MATK: variants seen among roughly 807,000 people sequenced by gnomAD.
The protein encoded by MATK is megakaryocyte-associated tyrosine kinase, also known as megakaryocyte-associated tyrosine-protein kinase.
In MATK, 41 loss-of-function variants were observed where a neutral mutation model predicts 59.8. That is an observed-to-expected ratio of 0.69 (90% confidence interval 0.53 to 0.89). The LOEUF (loss-of-function observed/expected upper bound fraction) is 0.89. MATK is among the 40% of genes least tolerant of loss of function. The pLI is 0.00. For missense variants in MATK, 593 were observed against 719.6 expected (o/e 0.82, Z 2.01); for synonymous variants, 308 against 306.1 (o/e 1.01, Z -0.06).
upstream of MATK, among the ~76,000 whole-genome samples, chr19:3,786,983 G>GGTGGGGGCCCCACCC: frequency 6.6e-6 from 1 of 151,996 alleles, no homozygotes; most frequent in Non-Finnish European, 1.5e-5. The surrounding 1 kb of genome is among the most constrained non-coding windows in gnomAD (Gnocchi z 4.1). Flanking sequence ...CCATATGGAG[G>GGTGGGGGCCCCACCC]GTGGGGGCCC....
At chr19:3,779,941 A>G in intron 8 of MATK, 144 bp from the exon 9 acceptor site, 1 of 648,760 alleles carries the variant, frequency 1.5e-6, no homozygotes, top group Non-Finnish European at 2.8e-6. Context: ...CACAGACCCC[A>G]TGCTCCTCAC....
chr19:3,782,759 G>C (rs1290808186), intron 7 of MATK: 1 of 280,720 alleles, frequency 3.6e-6, no homozygotes, highest in East Asian at 8.8e-5. Flanking sequence ...CTGGGAAGGA[G>C]GCGGTCTGAT....
rs1207879688 is a variant in MATK at position 3,779,726 on chromosome 19, C to T, written c.814G>A (p.Ala272Thr). The T allele has an allele frequency of 1.2e-6, 2 of 1,613,052 alleles. No individual in the cohort carries two copies. Among genetic ancestry groups the T allele is most frequent in the Admixed American group, 3.3e-5 (2 of 60,010 alleles). Residue 272 changes from alanine (A) to threonine (T), a missense_variant, in exon 9 of 14, where the codon GCC (alanine) becomes ACC (threonine). By Grantham distance (58) the Ala-to-Thr change is moderately conservative. Transcript: ENST00000310132. ...KNIKCDVTAQ[A>T]FLDETAVMTK... ...ATGACGGCCGTCTCGTCCAGGAAGG[C>T]CTGGGCTGTCACATCACACTTGATA...
At chr19:3,794,062 C>G (rs542756672) in intron 1 of MATK, among the ~76,000 whole-genome samples, 1 of 152,172 alleles carries the variant, frequency 6.6e-6, no homozygotes, top group South Asian at 2.1e-4. Flanking sequence ...TCTCCTAGTA[C>G]TACATCCTTC....
At chr19:3,791,246 G>A (rs1402947986), upstream of MATK, among the ~76,000 whole-genome samples, 1 of 152,016 alleles carries the variant, frequency 6.6e-6, no homozygotes, top group Non-Finnish European at 1.5e-5. Flanking sequence ...CTCTTTCCGA[G>A]AGTCCATAAA....
At chr19:3,793,681 G>A (rs910819639) in intron 1 of MATK, among the ~76,000 whole-genome samples, 2 of 150,534 alleles carry the variant, frequency 1.3e-5, no homozygotes, top group Non-Finnish European at 3.0e-5. Context: ...CAGCCTGGGC[G>A]ACAGAGTGGA....
Position 3,783,880 on chromosome 19 carries a change from C to A in MATK, c.516G>T (p.Leu172=). The change falls in exon 6 of 14, where the codon CTG becomes CTT. Residue 172 remains leucine (L), a synonymous_variant. Coordinates refer to ENST00000310132, the MANE Select transcript of MATK (RefSeq NM_139355.3). ...CGATTGTGAGGTGGCCGTCGCGGTG[C>A]AGCACGCGGTAGTGGATGACGTCGC... ...FGRDVIHYRV[L]HRDGHLTIDE... The A allele has an allele frequency of 6.2e-7, 1 of 1,613,186 alleles. No homozygotes were observed. Among genetic ancestry groups the A allele is most frequent in the Non-Finnish European group, 8.5e-7 (1 of 1,179,900 alleles).
Position 3,784,037 on chromosome 19 carries a change from C to T in MATK, c.363-4G>A, listed in dbSNP as rs368397867. On this transcript the variant is annotated splice_polypyrimidine_tract_variant and splice_region_variant and intron_variant, in intron 5 of 13. Coordinates refer to ENST00000310132, the MANE Select transcript of MATK (RefSeq NM_139355.3). ...CGAGATCTTCCCGTGGAACCACCTG[C>T]GGCCACGGAAGGGGTGGGTCAGACT... is the stretch of plus-strand genomic sequence containing the variant. 1.6e-5 allele frequency: 26 copies of T among 1,601,196 alleles called. No individual in the cohort carries two copies. The highest frequency in any genetic ancestry group is 1.7e-4 in the Middle Eastern group (1 of 6,026).
chr19:3,788,619 C>CAAAA (rs1171553701), upstream of MATK, among the ~76,000 whole-genome samples: 23 of 70,286 alleles, frequency 3.3e-4, no homozygotes, highest in African/African-American at 1.2e-3. Flanking sequence ...ACTCTGTCTC[C>CAAAA]AAAAAAAAAA....
At chr19:3,798,506 ATTTTTTATT>A (rs1163332484) in intron 1 of MATK, among the ~76,000 whole-genome samples, 3 of 151,682 alleles carry the variant, frequency 2.0e-5, no homozygotes, top group South Asian at 2.1e-4. Flanking sequence ...AATGGCCTGG[ATTTTTTATT>A]TTTTTTATTT....
intron 1 of MATK, among the ~76,000 whole-genome samples, chr19:3,792,721 T>A (rs956607871): frequency 6.6e-6 from 1 of 152,138 alleles, no homozygotes; most frequent in African/African-American, 2.4e-5. Context: ...TTTCACCATG[T>A]TGGCCAGGCT....
At chr19:3,793,060 G>C (rs953047290) in intron 1 of MATK, 1 of 152,252 alleles carries the variant, frequency 6.6e-6, no homozygotes, top group African/African-American at 2.4e-5. Flanking sequence ...GAGGAAGAAC[G>C]CTGCATCACT....
upstream of MATK, among the ~76,000 whole-genome samples, chr19:3,790,847 A>G (rs964227645): frequency 6.6e-6 from 1 of 152,070 alleles, no homozygotes; most frequent in African/African-American, 2.4e-5. Context: ...TGCTAGAGGC[A>G]CTAGCTCTCT....
Position 3,779,813 on chromosome 19 carries a change from G to A in MATK, c.743-16C>T. Reference sequence around the variant, plus strand: ...TGCAGGACAGCTGGGGGGTGGGGGTGGGGAACGGGGTGAGATCAGGACCCC... The same window carrying A: ...TGCAGGACAGCTGGGGGGTGGGGGTAGGGAACGGGGTGAGATCAGGACCCC... On this transcript the variant is annotated splice_polypyrimidine_tract_variant and intron_variant, in intron 8 of 13. Coordinates refer to ENST00000310132, the MANE Select transcript of MATK (RefSeq NM_139355.3). The A allele has an allele frequency of 6.6e-7, 1 of 1,512,308 alleles. No individual in the cohort carries two copies. Among genetic ancestry groups the A allele is most frequent in the Non-Finnish European group, 9.2e-7 (1 of 1,088,418 alleles). 93.7% of individuals were successfully genotyped at this position (1,512,308 alleles called of 1,614,324 possible). A position where few individuals can be genotyped will look rare whatever the true frequency, so the allele number is the denominator to read the frequency against.
At position 3,778,992 on chromosome 19, in the gene MATK, C is replaced by A; in HGVS notation, c.1197G>T (p.Gly399=). 12 of 1,553,788 alleles carry A rather than the reference C, an allele frequency of 7.7e-6. No individual in the cohort carries two copies. The highest frequency in any genetic ancestry group is 1.0e-5 in the Non-Finnish European group (12 of 1,153,816). Reference sequence around the variant, plus strand: ...AGGGGTATGTGAAGGCAGGGCTCACCCCGTGTTTGAGAGCCTCGGGCGCCG... The same window carrying A: ...AGGGGTATGTGAAGGCAGGGCTCACACCGTGTTTGAGAGCCTCGGGCGCCG... ...KWTAPEALKH[G]KFTSKSDVWS... Residue 399 remains glycine, a splice_region_variant and synonymous_variant, in exon 12 of 14, where the codon GGG becomes GGT. Transcript: ENST00000310132.
intron 1 of MATK, among the ~76,000 whole-genome samples, chr19:3,799,113 C>CCATTTGCA (rs2037621129): frequency 6.6e-6 from 1 of 151,950 alleles, no homozygotes. Context: ...CCTTAATAGC[C>CCATTTGCA]CATTTGCACA....
At chr19:3,798,345 G>T (rs2037613790) in intron 1 of MATK, among the ~76,000 whole-genome samples, 1 of 151,078 alleles carries the variant, frequency 6.6e-6, no homozygotes, top group Non-Finnish European at 1.5e-5. Flanking sequence ...TCACCACAGG[G>T]CGGCCTCACT....
chr19:3,779,394 G>C lies in MATK; in HGVS notation c.985C>G (p.Leu329Val). 1 of 1,613,338 alleles carries C rather than the reference G, an allele frequency of 6.2e-7. No individual in the cohort carries two copies. Among genetic ancestry groups the C allele is most frequent in the East Asian group, 2.2e-5 (1 of 44,892 alleles). The change falls in exon 11 of 14, where the codon CTC (leucine) becomes GTC (valine). Residue 329 changes from leucine (L) to valine (V), a missense_variant. Coordinates refer to ENST00000310132, the MANE Select transcript of MATK (RefSeq NM_139355.3). ...CCCACTTACAGAGAAAACTGCAGGAGCTGAGCGGTGTTCACGAGGGCTCGA... is the reference window on the plus strand; with the variant it reads ...CCCACTTACAGAGAAAACTGCAGGACCTGAGCGGTGTTCACGAGGGCTCGA... Reference protein sequence around the residue: ...RGRALVNTAQLLQFSLHVAEG... With the variant: ...RGRALVNTAQVLQFSLHVAEG...
chr19:3,789,305 G>A (rs753774703), upstream of MATK: 17 of 779,204 alleles, frequency 2.2e-5, no homozygotes, highest in Non-Finnish European at 3.1e-5. Context: ...GTCCCTCGCC[G>A]AGGTCTGCCT....
Sources: gnomAD v4.1 joint callset for allele counts (sites outside exome capture counted in the v4.1 genomes callset) on GRCh38, gnomAD v4.1.1 for gene constraint, Gnocchi (gnomAD v3.1) non-coding constraint, MANE v1.5 for transcripts, NCBI Gene and HGNC (gene_info 2026-07-23, HGNC 2026-07-21) for gene names.